The following HNRNPU variants were observed in gnomAD, a reference collection of about 807,000 sequenced individuals.
The protein encoded by HNRNPU is HNRNPU antisense RNA 1.
HNRNPU carries 5 observed loss-of-function variants against 94.7 expected under a neutral mutation model. The ratio of observed to expected loss-of-function variants is 0.05; its 90% confidence interval spans 0.03 to 0.11. HNRNPU has a LOEUF of 0.11. HNRNPU is among the 10% of genes least tolerant of loss of function. The pLI is 1.00. For missense variants in HNRNPU, 710 were observed against 1,049.2 expected (o/e 0.68, Z 4.47); for synonymous variants, 434 against 381.6 (o/e 1.14, Z -1.60).
chr1:244,854,843 A>T, intron 13 of HNRNPU, 130 bp downstream of exon 13: 1 of 745,978 alleles, frequency 1.3e-6, no homozygotes, highest in African/African-American at 1.8e-5. Context: ...CTACTGCAAG[A>T]CGATTCACAC....
chr1:244,854,615 A>G, intron 13 of HNRNPU, 112 bp from the exon 14 acceptor site: 2 of 729,668 alleles, frequency 2.7e-6, no homozygotes, highest in Non-Finnish European at 4.9e-6. Flanking sequence ...ACAAATTTAT[A>G]CCTGTCATAC....
intron 13 of HNRNPU, 100 bp from the exon 14 acceptor site, chr1:244,854,603 A>T: frequency 1.2e-6 from 1 of 819,794 alleles, no homozygotes; most frequent in Non-Finnish European, 2.1e-6. Context: ...AATTTGCTGG[A>T]AACAAATTTA....
chr1:244,855,417 T>C lies in HNRNPU; in HGVS notation c.2352+7A>G. 6.2e-7 allele frequency: 1 copy of C among 1,611,804 alleles called. No homozygotes were observed. Among genetic ancestry groups the C allele is most frequent in the Non-Finnish European group, 8.5e-7 (1 of 1,178,882 alleles). ...CAATCATGCTTCCAGGGATCTTGAATCATTACCTGGTTGTAGTTCCCTCTG... is the reference window on the plus strand; with the variant it reads ...CAATCATGCTTCCAGGGATCTTGAACCATTACCTGGTTGTAGTTCCCTCTG... On this transcript the variant is annotated splice_region_variant and intron_variant, in intron 12 of 13. Coordinates refer to ENST00000640218, the MANE Select transcript of HNRNPU (RefSeq NM_031844.3).
intron 6 of HNRNPU, 175 bp downstream of exon 6, chr1:244,858,554 C>T (rs1323420671): frequency 1.6e-6 from 1 of 612,148 alleles, no homozygotes; most frequent in Non-Finnish European, 2.9e-6. Context: ...GTGAGTTCCT[C>T]AAAAATGTCC....
In HNRNPU at chr1:244,851,606, A is replaced by G. The variant is rs193032660; in HGVS notation, c.*2844T>C. On this transcript the variant is annotated 3_prime_UTR_variant, in exon 14 of 14. Transcript: ENST00000640218. ...ATACCTTGTTGCTAGTGCTCAGAAC[A>G]TCTAGGTTCAGTCTTTATTTTTAAG... 1 of 152,224 alleles carries G rather than the reference A, an allele frequency of 6.6e-6. No homozygotes were observed. The highest frequency in any genetic ancestry group is 1.5e-5 in the Non-Finnish European group (1 of 68,036). 9.4% of individuals were successfully genotyped at this position (152,224 alleles called of 1,614,324 possible).
At chr1:244,863,332 C>G (rs1375619235) in intron 1 of HNRNPU, among the ~76,000 whole-genome samples, 1 of 150,704 alleles carries the variant, frequency 6.6e-6, no homozygotes, top group Admixed American at 6.6e-5. Flanking sequence ...GCTCCTCCCC[C>G]TACAGCGGCA....
intron 4 of HNRNPU, 176 bp downstream of exon 4, chr1:244,860,159 G>A (rs1247696842): frequency 3.7e-6 from 2 of 534,070 alleles, no homozygotes; most frequent in East Asian, 6.5e-5. Context: ...AATTAGCCAG[G>A]TGTGGTAGTG....
Position 244,862,676 on chromosome 1 carries a change from G to C in HNRNPU, c.746C>G (p.Pro249Arg), listed in dbSNP as rs754421991. 1.2e-6 allele frequency: 2 copies of C among 1,613,948 alleles called. No homozygotes were observed. The highest frequency in any genetic ancestry group is 2.7e-5 in the African/African-American group (2 of 74,896). ...ATATCCACGGCCATGATCTTCTCGT[G>C]GTCTTTTAACACCCCTCTTTTTATC... Reference protein sequence around the residue: ...GGDKKRGVKRPREDHGRGYFE... With the variant: ...GGDKKRGVKRRREDHGRGYFE... The change falls in exon 2 of 14, where the codon CCA (proline) becomes CGA (arginine). Residue 249 changes from proline (P) to arginine (R), a missense_variant. Pro to Arg is a moderately radical substitution (Grantham distance 103). Around this residue, in one of 8 missense-constraint regions of HNRNPU, gnomAD observed 13 missense variants for 45.3 expected, o/e 0.29. Transcript: ENST00000640218.
Position 244,864,413 on chromosome 1 carries a change from C to CTCCTCGGCCCG in HNRNPU, c.-107_-106insCGGGCCGAGGA. 6.4e-7 allele frequency: 1 copy of CTCCTCGGCCCG among 1,554,170 alleles called. No homozygotes were observed. Among genetic ancestry groups the CTCCTCGGCCCG allele is most frequent in the Non-Finnish European group, 8.7e-7 (1 of 1,152,734 alleles). On this transcript the variant is annotated 5_prime_UTR_variant, in exon 1 of 14. Transcript: ENST00000640218. ...TGCTCCTCGGCCCGGGCGGCGGCTG[C>CTCCTCGGCCCG]GGCTGCGGCTGGAGATGGGTTCGTG... is the stretch of plus-strand genomic sequence containing the variant.
rs1680732154 is a variant in HNRNPU, at chr1:244,858,258, T to G, written c.1247A>C (p.Glu416Ala). The G allele has an allele frequency of 6.2e-7, 1 of 1,613,506 alleles. No individual in the cohort carries two copies. Among genetic ancestry groups the G allele is most frequent in the East Asian group, 2.2e-5 (1 of 44,900 alleles). Residue 416 changes from glutamate to alanine, a missense_variant, in exon 7 of 14, where the codon GAA becomes GCA. Around this residue, in one of 8 missense-constraint regions of HNRNPU, gnomAD observed 150 missense variants for 187.9 expected, o/e 0.80. Coordinates refer to ENST00000640218, the MANE Select transcript of HNRNPU (RefSeq NM_031844.3). ...ATTCTTAGCATACGAGAGTTCTACT[T>G]CATCACTTTCAAAGTTCTGTTACAC... ...ITCFANFESD[E>A]VELSYAKNGQ...
In HNRNPU at chr1:244,860,299, CACAA is replaced by C. The variant is rs761577749; in HGVS notation, c.1017+32_1017+35del. ...CTAGGGAACAGAGTGAGACTGTCTCCACAAACAAACAAACAAATCATAAAATTGC... is the reference window on the plus strand; with the variant it reads ...CTAGGGAACAGAGTGAGACTGTCTCCACAAACAAACAAATCATAAAATTGC... On this transcript the variant is annotated intron_variant, in intron 4 of 13. Transcript: ENST00000640218. 137 of 1,588,076 alleles carry C rather than the reference CACAA, an allele frequency of 8.6e-5. 1 individual carries two copies. The highest frequency in any genetic ancestry group is 6.5e-4 in the South Asian group (57 of 87,632).
At chr1:244,854,691 G>A (rs777769506) in intron 13 of HNRNPU, 188 bp from the exon 14 acceptor site, 9 of 566,272 alleles carry the variant, frequency 1.6e-5, no homozygotes, top group East Asian at 8.6e-5. Context: ...ATTACAAAAC[G>A]AAACATCATG....
chr1:244,864,478 C>G lies in HNRNPU; in HGVS notation c.-171G>C. On this transcript the variant is annotated 5_prime_UTR_variant, in exon 1 of 14. Transcript: ENST00000640218. Reference sequence around the variant, plus strand: ...CGCCTGGTGTCGAACGGCGCCAATTCCTTTCACCGAGTTCGCGAGGGAGAC... The same window carrying G: ...CGCCTGGTGTCGAACGGCGCCAATTGCTTTCACCGAGTTCGCGAGGGAGAC... 2 of 1,157,986 alleles carry G rather than the reference C, an allele frequency of 1.7e-6. No homozygotes were observed. The highest frequency in any genetic ancestry group is 2.4e-6 in the Non-Finnish European group (2 of 846,680). 71.7% of individuals were successfully genotyped at this position (1,157,986 alleles called of 1,614,324 possible).
At chr1:244,860,178 TAG>T in intron 4 of HNRNPU, 155 bp downstream of exon 4, 1 of 582,682 alleles carries the variant, frequency 1.7e-6, no homozygotes. Flanking sequence ...TGTGTGCCTC[TAG>T]TCCGAGCTAC....
In HNRNPU at chr1:244,850,516, T is replaced by TTA. The variant is rs1680514752; in HGVS notation, c.*3932_*3933dup. The stretch of plus-strand genomic sequence containing the variant: ...AAGCTTTAATAAAGGCACTGCAGCG[T>TTA]TAACTAAGTTTTAGGGTAAATTTAG... On this transcript the variant is annotated 3_prime_UTR_variant, in exon 14 of 14. Coordinates refer to ENST00000640218, the MANE Select transcript of HNRNPU (RefSeq NM_031844.3). The TTA allele has an allele frequency of 7.6e-6, 1 of 131,092 alleles. No individual in the cohort carries two copies. Among genetic ancestry groups the TTA allele is most frequent in the South Asian group, 2.6e-4 (1 of 3,864 alleles). The allele number at this position is 131,092 out of a possible 1,614,324, so 8.1% of individuals were successfully genotyped here.
chr1:244,858,516 G>C, intron 6 of HNRNPU: 3 of 606,066 alleles, frequency 4.9e-6, no homozygotes, highest in South Asian at 4.2e-5. Context: ...TCAATTTCAT[G>C]TTCACTGTTT....
chr1:244,859,674 A>G (rs1680775425), intron 4 of HNRNPU: 1 of 205,628 alleles, frequency 4.9e-6, no homozygotes, highest in Non-Finnish European at 9.6e-6. Flanking sequence ...TTTCTCACCA[A>G]CAAAAGCAGT....
intron 7 of HNRNPU, 141 bp downstream of exon 7, chr1:244,857,870 A>G (rs1427825180): frequency 3.9e-6 from 5 of 1,297,888 alleles, no homozygotes; most frequent in Non-Finnish European, 4.3e-6. Flanking sequence ...CAGTCAACAT[A>G]AGGGGGAAAC....
chr1:244,863,115 GC>G (rs1680888927), intron 1 of HNRNPU: 2 of 51,440 alleles, frequency 3.9e-5, no homozygotes, highest in African/African-American at 2.5e-4. Context: ...CCCCCGCCCC[GC>G]CCCGCCCGGC....
Sources: gnomAD v4.1 joint callset for allele counts (sites outside exome capture counted in the v4.1 genomes callset) on GRCh38, gnomAD v4.1.1 for gene constraint, gnomAD v4.1.1 regional missense constraint, MANE v1.5 for transcripts, NCBI Gene and HGNC (gene_info 2026-07-23, HGNC 2026-07-21) for gene names.